SLC25A13: variants seen among roughly 807,000 people sequenced by gnomAD.
SLC25A13 encodes the protein electrogenic aspartate/glutamate antiporter SLC25A13, mitochondrial.
In SLC25A13, 70 loss-of-function variants were observed where a neutral mutation model predicts 85.5. That is an observed-to-expected ratio of 0.82 (90% CI 0.68 to 1.00). SLC25A13 has a LOEUF of 1.00. Ranked by LOEUF, SLC25A13 falls within the 50% of genes least tolerant of loss-of-function variation. The pLI is 0.00. For synonymous variants in SLC25A13, 259 were observed against 288.7 expected (o/e 0.90, Z 1.04); for missense variants, 765 against 819.8 (o/e 0.93, Z 0.82).
At chr7:96,278,412 T>C (rs1485600493) in intron 2 of SLC25A13, among the ~76,000 whole-genome samples, 1 of 152,218 alleles carries the variant, frequency 6.6e-6, no homozygotes, top group Admixed American at 6.5e-5. Flanking sequence ...TAAAAGTCAC[T>C]TGTTATTTCT....
At chr7:96,209,162 C>A (rs1265440004) in intron 4 of SLC25A13, among the ~76,000 whole-genome samples, 185 bp from the exon 5 acceptor site, 2 of 151,880 alleles carry the variant, frequency 1.3e-5, no homozygotes, top group African/African-American at 2.4e-5. Context: ...AAATCAAGGT[C>A]AAGAATCCCA....
At chr7:96,191,363 A>C in intron 6 of SLC25A13, 116 bp from the exon 7 acceptor site, 1 of 1,084,112 alleles carries the variant, frequency 9.2e-7, no homozygotes, top group Non-Finnish European at 1.3e-6. Flanking sequence ...GTACAAGAAG[A>C]AATGACTATA....
intron 15 of SLC25A13, among the ~76,000 whole-genome samples, chr7:96,128,881 T>C (rs147264718): frequency 4.0e-4 from 61 of 151,928 alleles, no homozygotes; most frequent in Non-Finnish European, 7.4e-4. Context: ...TTCACGCCTC[T>C]GCTTCTCTAT....
intron 11 of SLC25A13, among the ~76,000 whole-genome samples, chr7:96,181,400 A>G (rs1401086197): frequency 6.6e-6 from 1 of 152,264 alleles, no homozygotes; most frequent in Non-Finnish European, 1.5e-5. Flanking sequence ...CGGGGGAGGC[A>G]AAGAACAAAA....
At chr7:96,270,169 A>G (rs1158638900) in intron 3 of SLC25A13, among the ~76,000 whole-genome samples, 2 of 152,250 alleles carry the variant, frequency 1.3e-5, no homozygotes, top group Non-Finnish European at 2.9e-5. Flanking sequence ...GGACATGCTA[A>G]TTAGCTTGCT....
At chr7:96,243,716 A>T (rs1426230742) in intron 3 of SLC25A13, among the ~76,000 whole-genome samples, 2 of 152,098 alleles carry the variant, frequency 1.3e-5, no homozygotes, top group African/African-American at 4.8e-5. Flanking sequence ...CCAGGAAAAG[A>T]GTTGGAGGAC....
At chr7:96,244,175 T>C (rs980464760) in intron 3 of SLC25A13, among the ~76,000 whole-genome samples, 1 of 152,086 alleles carries the variant, frequency 6.6e-6, no homozygotes, top group African/African-American at 2.4e-5. Context: ...AAGCAGTTTT[T>C]AAAGCCCAGG....
At chr7:96,279,375 C>T (rs979516128) in intron 2 of SLC25A13, among the ~76,000 whole-genome samples, 2 of 152,106 alleles carry the variant, frequency 1.3e-5, no homozygotes, top group Admixed American at 6.6e-5. Context: ...GACATACCTG[C>T]GACTGGGTAA....
At chr7:96,224,604 G>A (rs894766502) in intron 4 of SLC25A13, among the ~76,000 whole-genome samples, 2 of 152,134 alleles carry the variant, frequency 1.3e-5, no homozygotes, top group Non-Finnish European at 2.9e-5. Context: ...CACATCGTGT[G>A]CATCTCAACA....
chr7:96,123,016 C>T (rs1170584700), intron 15 of SLC25A13, among the ~76,000 whole-genome samples: 2 of 152,152 alleles, frequency 1.3e-5, no homozygotes, highest in African/African-American at 4.8e-5. Context: ...TTCTAACAGA[C>T]AGCTTTAAAG....
intron 4 of SLC25A13, among the ~76,000 whole-genome samples, chr7:96,229,956 C>T (rs1334204958): frequency 6.6e-6 from 1 of 152,212 alleles, no homozygotes; most frequent in South Asian, 2.1e-4. Context: ...TTAGCAAGCT[C>T]TACTGAAGCT....
intron 3 of SLC25A13, among the ~76,000 whole-genome samples, chr7:96,251,077 T>C (rs1797405757): frequency 6.6e-6 from 1 of 151,878 alleles, no homozygotes; most frequent in African/African-American, 2.4e-5. Context: ...GAAACCCACA[T>C]GTATTATACA....
At chr7:96,261,253 C>A (rs10254528) in intron 3 of SLC25A13, among the ~76,000 whole-genome samples, 101,339 of 151,930 alleles carry the variant, frequency 0.67, 34,215 homozygotes, top group African/African-American at 0.75. Context: ...TCTATATCAT[C>A]TATATATATC....
chr7:96,210,869 T>G (rs1795663878), intron 4 of SLC25A13, among the ~76,000 whole-genome samples: 1 of 152,088 alleles, frequency 6.6e-6, no homozygotes, highest in African/African-American at 2.4e-5. Context: ...TTATCCTCAG[T>G]TAACTTAAAA....
chr7:96,191,014 G>T, intron 7 of SLC25A13, 95 bp downstream of exon 7: 1 of 1,399,708 alleles, frequency 7.1e-7, no homozygotes, highest in South Asian at 1.2e-5. Context: ...GTGTCAATGG[G>T]ATAGAAAAAT....
intron 11 of SLC25A13, among the ~76,000 whole-genome samples, chr7:96,177,496 T>C (rs1794267898): frequency 6.6e-6 from 1 of 152,260 alleles, no homozygotes; most frequent in African/African-American, 2.4e-5. Context: ...GCTTCAATTC[T>C]GACTTTGCTA....
intron 5 of SLC25A13, among the ~76,000 whole-genome samples, chr7:96,208,400 T>C (rs1011738626): frequency 2.6e-5 from 4 of 152,164 alleles, no homozygotes; most frequent in African/African-American, 9.6e-5. Flanking sequence ...GTAGTAAGTA[T>C]GTAGTAAGTA....
chr7:96,267,836 T>C (rs2116913315), intron 3 of SLC25A13, among the ~76,000 whole-genome samples: 1 of 152,096 alleles, frequency 6.6e-6, no homozygotes, highest in Non-Finnish European at 1.5e-5. Flanking sequence ...TTGATTATAT[T>C]GCTGTCATTT....
chr7:96,311,028 T>C (rs1354418956), intron 1 of SLC25A13, among the ~76,000 whole-genome samples: 44 of 152,202 alleles, frequency 2.9e-4, no homozygotes, highest in Admixed American at 2.9e-3. Context: ...TGAATTTTAA[T>C]TGCCATTATT....
Sources: gnomAD v4.1 joint callset for allele counts (sites outside exome capture counted in the v4.1 genomes callset) on GRCh38, gnomAD v4.1.1 for gene constraint, MANE v1.5 for transcripts, NCBI Gene and HGNC (gene_info 2026-07-23, HGNC 2026-07-21) for gene names.